The following ANO1 variants were observed in gnomAD, a reference collection of about 807,000 sequenced individuals.
ANO1 encodes anoctamin 1, also known as anoctamin-1.
In ANO1, 59 loss-of-function variants were observed where a neutral mutation model predicts 124.0. The ratio of observed to expected loss-of-function variants is 0.48; its 90% confidence interval spans 0.39 to 0.59. ANO1 has a LOEUF of 0.59. Ranked by LOEUF, ANO1 falls within the 20% of genes least tolerant of loss-of-function variation. ANO1 has a pLI of 0.00. For synonymous variants in ANO1, 529 were observed against 532.0 expected, an observed-to-expected ratio of 0.99 and a Z score of 0.08; for missense variants, 1,059 against 1,328.0, an observed-to-expected ratio of 0.80 and a Z score of 3.15.
intron 4 of ANO1, among the ~76,000 whole-genome samples, chr11:70,105,222 G>A (rs1481554213): frequency 1.6e-4 from 25 of 152,180 alleles, no homozygotes; most frequent in Admixed American, 1.4e-3. Context: ...TGGAGAGCAG[G>A]GAGAGCAGGG....
At chr11:70,092,478 G>C (rs12575095) in intron 2 of ANO1, among the ~76,000 whole-genome samples, 2 of 152,112 alleles carry the variant, frequency 1.3e-5, no homozygotes, top group African/African-American at 4.8e-5. Context: ...GGGAAGGTCT[G>C]GGGGAGTGAC....
At chr11:69,978,477 G>T in the ANO1 span, among the ~76,000 whole-genome samples, 1 of 152,106 alleles carries the variant, frequency 6.6e-6, no homozygotes, top group Non-Finnish European at 1.5e-5. Context: ...CAGCCTCCCA[G>T]GTAGCTGGGA....
intron 25 of ANO1, among the ~76,000 whole-genome samples, chr11:70,186,102 A>G (rs1010682564): frequency 1.2e-4 from 18 of 152,144 alleles, no homozygotes. Flanking sequence ...CCTGGCCAAC[A>G]TGGTGAAACC....
At chr11:70,115,730 T>A (rs1399094534) in intron 7 of ANO1, among the ~76,000 whole-genome samples, 1 of 152,214 alleles carries the variant, frequency 6.6e-6, no homozygotes, top group South Asian at 2.1e-4. Context: ...GTTACTTTTG[T>A]CAACTGTAGT....
intron 16 of ANO1, 36 bp downstream of exon 16, chr11:70,157,057 G>A: frequency 6.3e-7 from 1 of 1,584,988 alleles, no homozygotes; most frequent in Non-Finnish European, 8.6e-7. Flanking sequence ...ACGAAGTCAG[G>A]GGAAACCGCA....
At chr11:70,013,748 A>G (rs4326825) in intron 1 of ANO1, among the ~76,000 whole-genome samples, 117,948 of 150,878 alleles carry the variant, frequency 0.78, 46,447 homozygotes, top group East Asian at 1. Context: ...GTTGCCATGA[A>G]CCGAGATCGC....
rs367687484 is a variant in ANO1, at chr11:70,182,647, A to G, written c.2549A>G (p.Asn850Ser). 130 of 1,610,986 alleles carry G rather than the reference A, an allele frequency of 8.1e-5. No individual in the cohort carries two copies. The highest frequency in any genetic ancestry group is 1.5e-4 in the African/African-American group (11 of 74,936). The change falls in exon 24 of 26, where the codon AAT becomes AGT. Residue 850 changes from asparagine to serine, a missense_variant. By Grantham distance (46) the Asn-to-Ser change is conservative (BLOSUM62 1). This residue lies in a region of ANO1 where 809 missense variants were observed against 1,094.9 expected (regional missense o/e 0.74). Coordinates refer to ENST00000355303, the MANE Select transcript of ANO1 (RefSeq NM_018043.7). The part of the protein sequence containing the change: ...VSDFQNGTAP[N>S]DPLDLGYEVQ... Reference sequence around the variant, plus strand: ...GACTTCCAGAACGGCACGGCCCCCAATGACCCCCTGGACCTGGGCTACGAG... The same window carrying G: ...GACTTCCAGAACGGCACGGCCCCCAGTGACCCCCTGGACCTGGGCTACGAG...
At chr11:70,109,234 C>A (rs989526863) in intron 6 of ANO1, among the ~76,000 whole-genome samples, 2 of 152,180 alleles carry the variant, frequency 1.3e-5, no homozygotes, top group African/African-American at 4.8e-5. Flanking sequence ...GAGGGACCAT[C>A]TTGCTGCCTT....
chr11:69,977,773 C>A, the ANO1 span, among the ~76,000 whole-genome samples: 1 of 152,238 alleles, frequency 6.6e-6, no homozygotes, highest in Non-Finnish European at 1.5e-5. Flanking sequence ...TGCTGAGACC[C>A]AGCGCTCTGA....
chr11:69,979,552 C>G, the ANO1 span, among the ~76,000 whole-genome samples: 2 of 152,138 alleles, frequency 1.3e-5, no homozygotes, highest in Non-Finnish European at 2.9e-5. Context: ...ATATTTAATT[C>G]TAGCTGTATG....
chr11:69,981,741 T>C (rs4980706), upstream of ANO1, among the ~76,000 whole-genome samples: 87,877 of 152,156 alleles, frequency 0.58, 25,951 homozygotes, highest in South Asian at 0.79. Context: ...CAGGCGCCTT[T>C]GTGGGCTCTC....
intron 4 of ANO1, among the ~76,000 whole-genome samples, chr11:70,104,622 G>A (rs1029711478): frequency 2.4e-4 from 36 of 152,200 alleles, no homozygotes; most frequent in Admixed American, 9.8e-4. Context: ...GCAGGGCCAC[G>A]TCTATTCTGG....
chr11:70,092,659 G>A (rs780490688), intron 2 of ANO1, among the ~76,000 whole-genome samples: 35 of 152,292 alleles, frequency 2.3e-4, no homozygotes, highest in Admixed American at 6.5e-4. Flanking sequence ...TGTGAGGAGT[G>A]TGGGAAGGGC....
the ANO1 span, among the ~76,000 whole-genome samples, chr11:69,979,668 A>G: frequency 3.3e-5 from 5 of 152,352 alleles, no homozygotes; most frequent in South Asian, 6.2e-4. Flanking sequence ...CGTAACACAC[A>G]GAAGCAATCC....
At chr11:70,052,172 T>G (rs1555006314) in intron 1 of ANO1, among the ~76,000 whole-genome samples, 1 of 152,238 alleles carries the variant, frequency 6.6e-6, no homozygotes, top group African/African-American at 2.4e-5. Flanking sequence ...CACTATTTAT[T>G]GAAAACACAG....
chr11:70,179,246 G>C (rs1458947439), intron 22 of ANO1, among the ~76,000 whole-genome samples: 4 of 152,238 alleles, frequency 2.6e-5, no homozygotes, highest in African/African-American at 9.6e-5. Context: ...CCGAACCGCT[G>C]CACACAACAT....
rs778177248 is a variant in ANO1, at chr11:70,153,043, G to T, written c.1354-14G>T. The T allele has an allele frequency of 6.9e-6, 11 of 1,597,050 alleles. No individual in the cohort carries two copies. In the East Asian group the frequency reaches 2.5e-4, roughly 36 times the overall value. On this transcript the variant is annotated splice_polypyrimidine_tract_variant and intron_variant, in intron 13 of 25. Transcript: ENST00000355303. The stretch of plus-strand genomic sequence containing the variant: ...ATTAACAAGGACTCTGTCTTGACTT[G>T]GTTTCATTCACAGGATCATCCTAGA...
At chr11:70,052,839 G>T (rs899006595) in intron 1 of ANO1, among the ~76,000 whole-genome samples, 1 of 151,950 alleles carries the variant, frequency 6.6e-6, no homozygotes, top group Non-Finnish European at 1.5e-5. Flanking sequence ...AAGCCACTGC[G>T]CCCGGCCCCA....
chr11:70,101,979 T>C (rs904837264), intron 2 of ANO1, among the ~76,000 whole-genome samples: 1 of 152,314 alleles, frequency 6.6e-6, no homozygotes. Context: ...GTCAGCACCC[T>C]GGGCAGCTGG....
Sources: gnomAD v4.1 joint callset for allele counts (sites outside exome capture counted in the v4.1 genomes callset) on GRCh38, gnomAD v4.1.1 for gene constraint, gnomAD v4.1.1 regional missense constraint, MANE v1.5 for transcripts, NCBI Gene and HGNC (gene_info 2026-07-23, HGNC 2026-07-21) for gene names.